Variants in UNC13C observed in about 807,000 individuals in gnomAD.
The protein encoded by UNC13C is unc-13 homolog C, also known as protein unc-13 homolog C.
In UNC13C, 174 loss-of-function variants were observed where a neutral mutation model predicts 245.4. The observed-to-expected ratio is 0.71, with a 90% CI of 0.63 to 0.80. The LOEUF (loss-of-function observed/expected upper bound fraction) is 0.80. UNC13C is among the 30% of genes least tolerant of loss of function. The probability of loss-of-function intolerance (pLI) is 0.00; values close to 1 mark genes in which losing one functional copy is unlikely to be tolerated. For missense variants in UNC13C, 2,829 were observed against 2,602.9 expected (o/e 1.09, Z -1.89); for synonymous variants, 992 against 895.1 (o/e 1.11, Z -1.93).
intron 4 of UNC13C, among the ~76,000 whole-genome samples, chr15:54,222,759 G>A (rs2035263878): frequency 6.6e-6 from 1 of 151,822 alleles, no homozygotes; most frequent in African/African-American, 2.4e-5. Context: ...CATTCATTTT[G>A]CCTGGTATTT....
chr15:54,173,784 G>A (rs1380399510), intron 4 of UNC13C, among the ~76,000 whole-genome samples: 1 of 152,020 alleles, frequency 6.6e-6, no homozygotes, highest in Non-Finnish European at 1.5e-5. Context: ...TCCTTGCTTT[G>A]TTCTTAATTT....
intron 13 of UNC13C, among the ~76,000 whole-genome samples, chr15:54,311,251 A>C (rs1160161592): frequency 6.6e-6 from 1 of 151,756 alleles, no homozygotes; most frequent in East Asian, 1.9e-4. Flanking sequence ...AGTTATTTTT[A>C]AGAAGTTAAT....
intron 17 of UNC13C, among the ~76,000 whole-genome samples, chr15:54,352,847 G>C (rs1355632813): frequency 3.3e-5 from 5 of 151,964 alleles, no homozygotes; most frequent in Non-Finnish European, 7.4e-5. Context: ...GCTCTCTATA[G>C]AGGTGTTCAA....
At chr15:54,629,789 A>AT (rs1193730476), downstream of UNC13C, 8 of 152,270 alleles carry the variant, frequency 5.3e-5, no homozygotes, top group East Asian at 1.9e-4. Flanking sequence ...TGAGCAAGGT[A>AT]TTTTTTCCCT....
At chr15:54,290,488 CATCAGTG>C (rs1256663823) in intron 10 of UNC13C, among the ~76,000 whole-genome samples, 2 of 152,172 alleles carry the variant, frequency 1.3e-5, no homozygotes, top group Non-Finnish European at 2.9e-5. Context: ...ATACAAGGAA[CATCAGTG>C]GTCATTTATA....
intron 10 of UNC13C, among the ~76,000 whole-genome samples, chr15:54,280,758 A>G (rs2036969449): frequency 7.3e-6 from 1 of 136,414 alleles, no homozygotes; most frequent in South Asian, 2.2e-4. Flanking sequence ...ATATATACAC[A>G]TACATACATA....
intron 4 of UNC13C, among the ~76,000 whole-genome samples, chr15:54,148,827 C>T (rs1260916102): frequency 6.6e-6 from 1 of 152,174 alleles, no homozygotes; most frequent in Non-Finnish European, 1.5e-5. Context: ...TACCCTACGG[C>T]ACCATCCTTG....
intron 4 of UNC13C, among the ~76,000 whole-genome samples, chr15:54,234,240 GTATA>G (rs71132791): frequency 2.7e-5 from 4 of 148,140 alleles, no homozygotes; most frequent in Admixed American, 1.3e-4. Flanking sequence ...TCCCATGTCA[GTATA>G]TATATATATA....
chr15:54,050,611 T>G, intron 2 of UNC13C: 1 of 430,740 alleles, frequency 2.3e-6, no homozygotes, highest in East Asian at 5.8e-5. Flanking sequence ...GAAATCAAAT[T>G]AAATTTATCA....
At chr15:54,138,199 A>T (rs2031829385) in intron 2 of UNC13C, among the ~76,000 whole-genome samples, 1 of 152,118 alleles carries the variant, frequency 6.6e-6, no homozygotes, top group Non-Finnish European at 1.5e-5. Flanking sequence ...TAAATTTGTT[A>T]AGATGTGTTT....
chr15:54,561,901 C>A (rs1897310587), intron 29 of UNC13C, among the ~76,000 whole-genome samples: 1 of 151,800 alleles, frequency 6.6e-6, no homozygotes, highest in African/African-American at 2.4e-5. Flanking sequence ...ATGAGTGACA[C>A]AAGCCAGGGA....
the UNC13C span, among the ~76,000 whole-genome samples, chr15:53,838,383 A>T: frequency 1.5e-4 from 23 of 152,196 alleles, no homozygotes; most frequent in Admixed American, 1.0e-3. Flanking sequence ...ATAGATTTTT[A>T]AAATGTTTTT....
intron 19 of UNC13C, chr15:54,416,950 C>T (rs1313061894): frequency 6.6e-6 from 3 of 456,404 alleles, no homozygotes; most frequent in South Asian, 3.1e-5. Context: ...TTTTTCTTCC[C>T]ACCAATCTTC....
intron 19 of UNC13C, among the ~76,000 whole-genome samples, chr15:54,466,340 C>T (rs1202092221): frequency 6.6e-6 from 1 of 151,832 alleles, no homozygotes; most frequent in South Asian, 2.1e-4. Context: ...AATTTCAGAA[C>T]ACAAAAGAAC....
chr15:53,937,817 T>G, the UNC13C span, among the ~76,000 whole-genome samples: 1 of 152,258 alleles, frequency 6.6e-6, no homozygotes, highest in South Asian at 2.1e-4. Flanking sequence ...AATGTTCCTT[T>G]CAGATAAGCA....
chr15:53,854,643 CATTGGTTTATGTGTCTGT>C, the UNC13C span, among the ~76,000 whole-genome samples: 1 of 152,050 alleles, frequency 6.6e-6, no homozygotes, highest in South Asian at 2.1e-4. Context: ...TATTCTGTTC[CATTGGTTTATGTGTCTGT>C]TTTTGTACCA....
chr15:54,450,097 C>T (rs1891084360), intron 19 of UNC13C, among the ~76,000 whole-genome samples: 1 of 152,088 alleles, frequency 6.6e-6, no homozygotes, highest in Non-Finnish European at 1.5e-5. Context: ...GAATATTGAA[C>T]AGCGAATGTT....
intron 19 of UNC13C, among the ~76,000 whole-genome samples, chr15:54,458,658 TA>T (rs1490853549): frequency 6.7e-6 from 1 of 150,010 alleles, no homozygotes; most frequent in Non-Finnish European, 1.5e-5. Flanking sequence ...CTGTCTTTTT[TA>T]AACTATTGTT....
chr15:54,026,764 C>T (rs1006168251), intron 2 of UNC13C, among the ~76,000 whole-genome samples: 2 of 152,220 alleles, frequency 1.3e-5, no homozygotes, highest in Admixed American at 6.5e-5. Context: ...TCTGTCAAAC[C>T]TAGACTGTTA....
Sources: gnomAD v4.1 joint callset for allele counts (sites outside exome capture counted in the v4.1 genomes callset) on GRCh38, gnomAD v4.1.1 for gene constraint, MANE v1.5 for transcripts, NCBI Gene and HGNC (gene_info 2026-07-23, HGNC 2026-07-21) for gene names.